Variants in ACTB observed in about 807,000 individuals in gnomAD.
ACTB encodes the protein actin, cytoplasmic 1.
In ACTB, 2 loss-of-function variants were observed where a neutral mutation model predicts 30.5. That is an observed-to-expected ratio of 0.07 (90% CI 0.03 to 0.21). The LOEUF is 0.21. ACTB is among the 10% of genes least tolerant of loss of function. The probability of loss-of-function intolerance (pLI) is 1.00; values close to 1 mark genes in which losing one functional copy is unlikely to be tolerated. For synonymous variants in ACTB, 335 were observed against 217.6 expected (o/e 1.54, Z -4.75); for missense variants, 56 against 530.0 (o/e 0.11, Z 8.78).
In ACTB at chr7:5,527,278, G is replaced by C. The variant is rs1162109016; in HGVS notation, c.*470C>G. On this transcript the variant is annotated 3_prime_UTR_variant, in exon 6 of 6. Coordinates refer to ENST00000646664, the MANE Select transcript of ACTB (RefSeq NM_001101.5). ...CTCAAGTTGGGGGACAAAAAAGGGGGAAGGGGGGGCACGAAGGCTCATCAT... is the reference window on the plus strand; with the variant it reads ...CTCAAGTTGGGGGACAAAAAAGGGGCAAGGGGGGGCACGAAGGCTCATCAT... 4.1e-6 allele frequency: 1 copy of C among 244,198 alleles called. No individual in the cohort carries two copies. Among genetic ancestry groups the C allele is most frequent in the African/African-American group, 2.4e-5 (1 of 42,090 alleles). 15.1% of individuals were successfully genotyped at this position (244,198 alleles called of 1,614,324 possible).
chr7:5,528,986 A>T (rs2128241356), intron 3 of ACTB, 175 bp downstream of exon 3: 1 of 1,586,790 alleles, frequency 6.3e-7, no homozygotes, highest in African/African-American at 1.3e-5. Flanking sequence ...AAACACCAGA[A>T]AAAGAGCTCA....
chr7:5,529,813 G>C (rs1430253847), intron 1 of ACTB, 150 bp from the exon 2 acceptor site: 4 of 1,293,390 alleles, frequency 3.1e-6, no homozygotes, highest in Middle Eastern at 1.9e-4. Context: ...TACCATAAAA[G>C]GCAAACACTG....
chr7:5,529,131 G>A lies in ACTB; in HGVS notation c.363+30C>T, dbSNP rs13447399. On this transcript the variant is annotated intron_variant, in intron 3 of 5. Transcript: ENST00000646664. ...CCGGGAGGCCAGGAAGGAGGGAGGC[G>A]GCCACCAGAAGAGGTAGCGGGCCAC... 5.0e-6 allele frequency: 8 copies of A among 1,613,592 alleles called. No individual in the cohort carries two copies. In the South Asian group the frequency reaches 7.7e-5, roughly 16 times the overall value.
intron 3 of ACTB, 121 bp from the exon 4 acceptor site, chr7:5,528,840 A>AG: frequency 7.0e-7 from 1 of 1,424,780 alleles, no homozygotes; most frequent in Admixed American, 1.7e-5. Context: ...TGGGATGGGG[A>AG]GTCTGTTCAG....
rs1419207239 is a variant in ACTB at position 5,528,690 on chromosome 7, G to A, written c.393C>T (p.Ala131=). The A allele has an allele frequency of 7.4e-6, 12 of 1,613,900 alleles. No homozygotes were observed. The highest frequency in any genetic ancestry group is 1.0e-5 in the Non-Finnish European group (12 of 1,180,032). Residue 131 remains alanine, a synonymous_variant, in exon 4 of 6, where the codon GCC becomes GCT. Transcript: ENST00000646664. The stretch of plus-strand genomic sequence containing the variant: ...GCACAGCCTGGATAGCAACGTACAT[G>A]GCTGGGGTGTTGAAGGTCTCAAACA... ...QIMFETFNTP[A]MYVAIQAVLS...
intron 5 of ACTB, 43 bp downstream of exon 5, chr7:5,527,961 C>CA (rs1562718765): frequency 8.1e-6 from 13 of 1,613,138 alleles, no homozygotes; most frequent in Non-Finnish European, 1.1e-5. Context: ...CAGGACCCCA[C>CA]AGCCGACCTG....
In ACTB at chr7:5,529,538, G is replaced by A; in HGVS notation, c.120C>T (p.His40=). ...VFPSIVGRPR[H]QGVMVGMGQK... ...CCCACCCAGCCAGCTCCCCTACCTG[G>A]TGCCTGGGGCGCCCCACGATGGAGG... Residue 40 remains histidine, a synonymous_variant, in exon 2 of 6, where the codon CAC becomes CAT. Transcript: ENST00000646664. The A allele has an allele frequency of 1.2e-6, 2 of 1,611,590 alleles. No homozygotes were observed. The highest frequency in any genetic ancestry group is 8.5e-7 in the Non-Finnish European group (1 of 1,179,252).
chr7:5,527,979 C>A, intron 5 of ACTB, 25 bp downstream of exon 5: 2 of 1,613,204 alleles, frequency 1.2e-6, no homozygotes, highest in Non-Finnish European at 1.7e-6. Context: ...CTGCCCAGGT[C>A]AGCTCAGGCA....
At chr7:5,529,825 T>C (rs1291008720) in intron 1 of ACTB, 162 bp from the exon 2 acceptor site, 1 of 1,188,532 alleles carries the variant, frequency 8.4e-7, no homozygotes, top group South Asian at 1.3e-5. Flanking sequence ...CAAACACTGG[T>C]CGGAGGCGTC....
chr7:5,527,295 G>A lies in ACTB; in HGVS notation c.*453C>T, dbSNP rs3210032. The stretch of plus-strand genomic sequence containing the variant: ...AAAAGGGGGAAGGGGGGGCACGAAG[G>A]CTCATCATTCAAAATAAAACAAAAT... On this transcript the variant is annotated 3_prime_UTR_variant, in exon 6 of 6. Transcript: ENST00000646664. 4.1e-6 allele frequency: 1 copy of A among 246,458 alleles called. No homozygotes were observed. The allele number at this position is 246,458 out of a possible 1,614,324, so 15.3% of individuals were successfully genotyped here.
chr7:5,529,414 G>C lies in ACTB; in HGVS notation c.124-14C>G, dbSNP rs565900219. 29 of 1,613,904 alleles carry C rather than the reference G, an allele frequency of 1.8e-5. No homozygotes were observed. The highest frequency in any genetic ancestry group is 1.5e-4 in the African/African-American group (11 of 75,082). ...CACCATCACGCCCTGGGAAGGAAAG[G>C]ACAAGAAGCCCTGAGCACGGGCGCA... On this transcript the variant is annotated splice_polypyrimidine_tract_variant and intron_variant, in intron 2 of 5. Coordinates refer to ENST00000646664, the MANE Select transcript of ACTB (RefSeq NM_001101.5).
At chr7:5,529,041 C>T (rs1784825226) in intron 3 of ACTB, 120 bp downstream of exon 3, 1 of 1,612,752 alleles carries the variant, frequency 6.2e-7, no homozygotes, top group South Asian at 1.1e-5. Context: ...AAAGGAGACT[C>T]AGGTCAGAGA....
rs767758078 is a variant in ACTB, at chr7:5,527,704, G to C, written c.*44C>G. 1 of 1,612,016 alleles carries C rather than the reference G, an allele frequency of 6.2e-7. No homozygotes were observed. Among genetic ancestry groups the C allele is most frequent in the Admixed American group, 1.7e-5 (1 of 59,892 alleles). On this transcript the variant is annotated 3_prime_UTR_variant, in exon 6 of 6. Coordinates refer to ENST00000646664, the MANE Select transcript of ACTB (RefSeq NM_001101.5). Reference sequence around the variant, plus strand: ...CTCATCTTGTTTTCTGCGCAAGTTAGGTTTTGTCAAGAAAGGGTGTAACGC... The same window carrying C: ...CTCATCTTGTTTTCTGCGCAAGTTACGTTTTGTCAAGAAAGGGTGTAACGC...
In ACTB at chr7:5,528,190, G is replaced by C; in HGVS notation, c.803-5C>G. 1 of 1,613,922 alleles carries C rather than the reference G, an allele frequency of 6.2e-7. No individual in the cohort carries two copies. The highest frequency in any genetic ancestry group is 2.2e-5 in the East Asian group (1 of 44,886). On this transcript the variant is annotated splice_region_variant and splice_polypyrimidine_tract_variant and intron_variant, in intron 4 of 5. Transcript: ENST00000646664. The stretch of plus-strand genomic sequence containing the variant: ...GGATGCCACAGGACTCCATGCCTGA[G>C]AGGGAAATGAGGGCAGGACTTAGCT...
rs1419858229 is a variant in ACTB at position 5,527,265 on chromosome 7, G to T, written c.*483C>A. ...AGCCTTCATACATCTCAAGTTGGGGGACAAAAAAGGGGGAAGGGGGGGCAC... is the reference window on the plus strand; with the variant it reads ...AGCCTTCATACATCTCAAGTTGGGGTACAAAAAAGGGGGAAGGGGGGGCAC... On this transcript the variant is annotated 3_prime_UTR_variant, in exon 6 of 6. Coordinates refer to ENST00000646664, the MANE Select transcript of ACTB (RefSeq NM_001101.5). 1 of 240,952 alleles carries T rather than the reference G, an allele frequency of 4.2e-6. No individual in the cohort carries two copies. Among genetic ancestry groups the T allele is most frequent in the Non-Finnish European group, 8.2e-6 (1 of 121,648 alleles). The allele number at this position is 240,952 out of a possible 1,614,324, so 14.9% of individuals were successfully genotyped here.
rs1212193218 is a variant in ACTB at position 5,529,824 on chromosome 7, G to C, written c.-6-161C>G. ...TTATTACCATAAAAGGCAAACACTGGTCGGAGGCGTCCCCGCGGCGCGCGG... is the reference window on the plus strand; with the variant it reads ...TTATTACCATAAAAGGCAAACACTGCTCGGAGGCGTCCCCGCGGCGCGCGG... On this transcript the variant is annotated intron_variant, in intron 1 of 5. Coordinates refer to ENST00000646664, the MANE Select transcript of ACTB (RefSeq NM_001101.5). 1.3e-5 allele frequency: 15 copies of C among 1,191,988 alleles called. No individual in the cohort carries two copies. In the East Asian group the frequency reaches 2.9e-4, roughly 23 times the overall value. The allele number at this position is 1,191,988 out of a possible 1,614,324, so 73.8% of individuals were successfully genotyped here.
At position 5,528,306 on chromosome 7, in the gene ACTB, C is replaced by T. The variant is rs2128241263; in HGVS notation, c.777G>A (p.Glu259=). ...CCAGGAAGGAAGGCTGGAAGAGTGC[C>T]TCAGGGCAGCGGAACCGCTCATTGC... ...TIGNERFRCP[E]ALFQPSFLGM... is the part of the protein sequence containing the mutation. The change falls in exon 4 of 6, where the codon GAG becomes GAA. Residue 259 remains glutamate, a synonymous_variant. Coordinates refer to ENST00000646664, the MANE Select transcript of ACTB (RefSeq NM_001101.5). 1 of 1,614,184 alleles carries T rather than the reference C, an allele frequency of 6.2e-7. No homozygotes were observed. The highest frequency in any genetic ancestry group is 8.5e-7 in the Non-Finnish European group (1 of 1,180,044).
rs766542363 is a variant in ACTB, at chr7:5,527,899, G to C, written c.985-8C>G. ...CTCAGGAGGAGCAATGATCTGAGGA[G>C]GGAAGGGGACAGGCAGTGAGGACCC... On this transcript the variant is annotated splice_polypyrimidine_tract_variant and splice_region_variant and intron_variant, in intron 5 of 5. Coordinates refer to ENST00000646664, the MANE Select transcript of ACTB (RefSeq NM_001101.5). 1 of 1,613,028 alleles carries C rather than the reference G, an allele frequency of 6.2e-7. No individual in the cohort carries two copies. The highest frequency in any genetic ancestry group is 2.2e-5 in the East Asian group (1 of 44,864).
rs543645878 is a variant in ACTB, at chr7:5,529,729, G to C, written c.-6-66C>G. ...CCGCCCTGGCCACTTCCGGCGCGCC[G>C]AGTCCTTAGGCCGCCAGGGGGCGCC... On this transcript the variant is annotated intron_variant, in intron 1 of 5. Transcript: ENST00000646664. 4.7e-5 allele frequency: 75 copies of C among 1,606,294 alleles called. 1 individual carries two copies. The South Asian group carries it at 7.4e-4, about 16-fold the overall frequency.
Sources: allele counts gnomAD v4.1 joint callset, GRCh38; gene constraint gnomAD v4.1.1; transcripts MANE v1.5; gene names NCBI Gene and HGNC (gene_info 2026-07-23, HGNC 2026-07-21).